Variants in CDC42SE2 observed in about 807,000 individuals in gnomAD.
The protein encoded by CDC42SE2 is CDC42 small effector 2, also known as CDC42 small effector protein 2.
Under a neutral mutation model 11.5 loss-of-function variants are expected in CDC42SE2, and 3 were observed. The ratio of observed to expected loss-of-function variants is 0.26; its 90% CI spans 0.12 to 0.67. CDC42SE2 has a LOEUF of 0.67. Among genes scored for constraint, CDC42SE2 ranks in the 30% least tolerant of loss-of-function variants. The probability of loss-of-function intolerance (pLI) is 0.80; values close to 1 mark genes in which losing one functional copy is unlikely to be tolerated. For missense variants in CDC42SE2, 82 were observed against 106.8 expected (o/e 0.77, Z 1.02); for synonymous variants, 33 against 34.8 (o/e 0.95, Z 0.18).
chr5:131,235,292 ATTT>A, the CDC42SE2 span, among the ~76,000 whole-genome samples: 6 of 138,928 alleles, frequency 4.3e-5, no homozygotes, highest in East Asian at 2.2e-4. Flanking sequence ...ACATCCAGAC[ATTT>A]TTTTTTTTTT....
At chr5:131,248,337 A>G (rs1033224358) in intron 1 of CDC42SE2, among the ~76,000 whole-genome samples, 3 of 151,884 alleles carry the variant, frequency 2.0e-5, no homozygotes, top group Admixed American at 2.0e-4. Flanking sequence ...ACGGGGTTTC[A>G]CCGTGTTGGT....
At chr5:131,348,290 A>C (rs1314279174) in intron 2 of CDC42SE2, among the ~76,000 whole-genome samples, 1 of 152,248 alleles carries the variant, frequency 6.6e-6, no homozygotes, top group Non-Finnish European at 1.5e-5. Context: ...AAGCAACTTC[A>C]GCAATGTCTC....
In CDC42SE2 at chr5:131,392,277, C is replaced by T. The variant is rs1310631866; in HGVS notation, c.*1186C>T. The T allele has an allele frequency of 6.6e-6, 1 of 152,632 alleles. No individual in the cohort carries two copies. The highest frequency in any genetic ancestry group is 1.5e-5 in the Non-Finnish European group (1 of 68,032). The allele number at this position is 152,632 out of a possible 1,614,324, so 9.5% of individuals were successfully genotyped here. On this transcript the variant is annotated 3_prime_UTR_variant, in exon 5 of 5. Coordinates refer to ENST00000505065, the MANE Select transcript of CDC42SE2 (RefSeq NM_001375635.1). ...ATGTATATTTTGGAAGGTATGAGAC[C>T]CACAAGCACAATGATCATTTTTATT...
At chr5:131,238,331 A>G in the CDC42SE2 span, among the ~76,000 whole-genome samples, 2 of 152,008 alleles carry the variant, frequency 1.3e-5, no homozygotes, top group East Asian at 1.9e-4. Flanking sequence ...ACCCGTCTCT[A>G]CTAAAACTAC....
chr5:131,321,103 A>C (rs73786646), intron 2 of CDC42SE2, among the ~76,000 whole-genome samples: 2,648 of 152,316 alleles, frequency 0.017, 79 homozygotes, highest in African/African-American at 0.061. Flanking sequence ...ACATCTGCCA[A>C]ATTTAAAATG....
chr5:131,380,809 C>A (rs1283284092), intron 3 of CDC42SE2, among the ~76,000 whole-genome samples: 1 of 152,204 alleles, frequency 6.6e-6, no homozygotes, highest in African/African-American at 2.4e-5. Flanking sequence ...GACCTGTCTT[C>A]TTCCTGTCCA....
At chr5:131,351,905 A>G (rs1247284496) in intron 2 of CDC42SE2, among the ~76,000 whole-genome samples, 2 of 152,236 alleles carry the variant, frequency 1.3e-5, no homozygotes, top group Non-Finnish European at 2.9e-5. Flanking sequence ...AATATTCACT[A>G]TGCATATATT....
At chr5:131,349,343 G>T in intron 2 of CDC42SE2, among the ~76,000 whole-genome samples, 1 of 125,340 alleles carries the variant, frequency 8.0e-6, no homozygotes, top group Non-Finnish European at 1.6e-5. Context: ...CCTGTTGTGG[G>T]GTGGGGGGAG....
At chr5:131,389,566 T>C (rs906380812) in intron 4 of CDC42SE2, among the ~76,000 whole-genome samples, 9 of 152,236 alleles carry the variant, frequency 5.9e-5, no homozygotes, top group Admixed American at 6.5e-5. Context: ...GTTTTGCCAT[T>C]ATGTTCTTTT....
At chr5:131,306,406 T>C (rs1757778695) in intron 1 of CDC42SE2, among the ~76,000 whole-genome samples, 1 of 152,128 alleles carries the variant, frequency 6.6e-6, no homozygotes, top group Non-Finnish European at 1.5e-5. Flanking sequence ...CAGTTGACCA[T>C]AATTTGTAGG....
At chr5:131,344,293 C>G (rs1342101790) in intron 2 of CDC42SE2, among the ~76,000 whole-genome samples, 3 of 152,228 alleles carry the variant, frequency 2.0e-5, no homozygotes, top group Non-Finnish European at 2.9e-5. Flanking sequence ...AATTGGGACA[C>G]TCCCACCCTA....
the CDC42SE2 span, among the ~76,000 whole-genome samples, chr5:131,217,838 G>A: frequency 9.2e-5 from 14 of 152,106 alleles, no homozygotes; most frequent in Non-Finnish European, 2.9e-5. Flanking sequence ...TTTGTGTCCA[G>A]AATATGTAAA....
intron 1 of CDC42SE2, among the ~76,000 whole-genome samples, chr5:131,271,635 G>A (rs1327757549): frequency 6.6e-6 from 1 of 152,092 alleles, no homozygotes; most frequent in Non-Finnish European, 1.5e-5. Flanking sequence ...GGCTGTAAAC[G>A]TTTCTTCAAC....
intron 1 of CDC42SE2, among the ~76,000 whole-genome samples, chr5:131,270,386 T>TA (rs1580722523): frequency 6.6e-6 from 1 of 151,672 alleles, no homozygotes; most frequent in Non-Finnish European, 1.5e-5. Context: ...AAGAAAAAAA[T>TA]AAAAAAATAA....
chr5:131,368,661 A>G (rs1279133532), intron 3 of CDC42SE2, among the ~76,000 whole-genome samples: 1 of 152,196 alleles, frequency 6.6e-6, no homozygotes, highest in African/African-American at 2.4e-5. Context: ...ATTTTTAAAC[A>G]TATTCAGAAG....
At chr5:131,361,774 C>T (rs1387218787) in intron 3 of CDC42SE2, among the ~76,000 whole-genome samples, 1 of 152,112 alleles carries the variant, frequency 6.6e-6, no homozygotes, top group Non-Finnish European at 1.5e-5. Context: ...AGTTGGGCTG[C>T]TAGGTGGCCC....
chr5:131,384,855 G>A (rs575922214), intron 3 of CDC42SE2, among the ~76,000 whole-genome samples: 3 of 146,308 alleles, frequency 2.1e-5, no homozygotes, highest in South Asian at 2.1e-4. Flanking sequence ...GCTGAGGTGC[G>A]AGGATTGCTT....
At chr5:131,220,366 C>T in the CDC42SE2 span, among the ~76,000 whole-genome samples, 10 of 151,900 alleles carry the variant, frequency 6.6e-5, no homozygotes, top group Admixed American at 1.3e-4. Flanking sequence ...CCACCAGGCC[C>T]GGCTAATTTT....
chr5:131,334,723 TTTC>T (rs1411349494), intron 2 of CDC42SE2, among the ~76,000 whole-genome samples: 1 of 152,232 alleles, frequency 6.6e-6, no homozygotes, highest in African/African-American at 2.4e-5. Context: ...AATTTATCCA[TTTC>T]TTCTAGATTT....
Sources: allele counts gnomAD v4.1 joint callset (sites outside exome capture counted in the v4.1 genomes callset), GRCh38; gene constraint gnomAD v4.1.1; transcripts MANE v1.5; gene names NCBI Gene and HGNC (gene_info 2026-07-23, HGNC 2026-07-21).